ZFHX3: variants seen among roughly 807,000 people sequenced by gnomAD.
The protein encoded by ZFHX3 is zinc finger homeobox protein 3.
Under a neutral mutation model 279.1 loss-of-function variants are expected in ZFHX3, and 42 were observed. That is an observed-to-expected ratio of 0.15 (90% CI 0.12 to 0.19). The LOEUF (loss-of-function observed/expected upper bound fraction) is 0.19. Among genes scored for constraint, ZFHX3 ranks in the 10% least tolerant of loss-of-function variants. The pLI is 1.00. For synonymous variants in ZFHX3, 2,293 were observed against 1,957.8 expected (o/e 1.17, Z -4.52); for missense variants, 4,981 against 4,754.0 (o/e 1.05, Z -1.40).
rs567600620 is a variant in ZFHX3, at chr16:72,990,992, TA to T, written c.-49-30799del. Among the ~76,000 whole-genome samples the T allele has an allele frequency of 5.6e-3, 758 of 134,396 alleles. 3 individuals carry two copies. Among genetic ancestry groups the T allele is most frequent in the Middle Eastern group, 0.022 (6 of 270 alleles). 88.2% of individuals were successfully genotyped at this position (134,396 alleles called of 152,430 possible). A position where few individuals can be genotyped will look rare whatever the true frequency, so the allele number is the denominator to read the frequency against. ...GAGACCCTGTCTCAAAAAATAAAAT[TA>T]AAAAAAAAAAAAGAGAGAGAAATGG... is the stretch of plus-strand genomic sequence containing the variant. On this transcript the variant is annotated intron_variant, in intron 1 of 9. Transcript: ENST00000268489.
At chr16:73,768,805 G>A (rs2053983612) in intron 1 of ZFHX3, among the ~76,000 whole-genome samples, 1 of 152,168 alleles carries the variant, frequency 6.6e-6, no homozygotes, top group Non-Finnish European at 1.5e-5. Flanking sequence ...TAAGTGATGA[G>A]TAGTGGCGAC....
intron 4 of ZFHX3, among the ~76,000 whole-genome samples, chr16:72,864,091 C>T (rs981637869): frequency 1.3e-5 from 2 of 152,032 alleles, no homozygotes; most frequent in African/African-American, 2.4e-5. Context: ...GCAGTCCGGC[C>T]TGGGCGAAAG....
intron 9 of ZFHX3, among the ~76,000 whole-genome samples, chr16:72,792,776 GCT>G (rs773618655): frequency 6.6e-6 from 1 of 152,124 alleles, no homozygotes; most frequent in Non-Finnish European, 1.5e-5. Flanking sequence ...TGCCACCGTA[GCT>G]CTCTCAAGAA....
chr16:73,742,021 A>T (rs918981545), intron 1 of ZFHX3, among the ~76,000 whole-genome samples: 78 of 152,178 alleles, frequency 5.1e-4, no homozygotes, highest in Non-Finnish European at 1.3e-4. Context: ...ATTAAGCAGA[A>T]ATTTCTTCTG....
At chr16:73,770,273 T>A (rs2054002942) in intron 1 of ZFHX3, among the ~76,000 whole-genome samples, 1 of 152,168 alleles carries the variant, frequency 6.6e-6, no homozygotes, top group Admixed American at 6.5e-5. Flanking sequence ...GCTTTGAAAG[T>A]TGAAGGGAAC....
intron 5 of ZFHX3, among the ~76,000 whole-genome samples, chr16:73,240,255 G>C (rs2013080772): frequency 6.6e-6 from 1 of 151,172 alleles, no homozygotes; most frequent in African/African-American, 2.4e-5. Context: ...GTCTTGCTCT[G>C]TCACCCAGGC....
chr16:73,459,530 T>C (rs959074058), intron 2 of ZFHX3, among the ~76,000 whole-genome samples: 1 of 152,098 alleles, frequency 6.6e-6, no homozygotes, highest in Non-Finnish European at 1.5e-5. Context: ...ACCAGCTCAT[T>C]TTTGTAAATT....
intron 1 of ZFHX3, among the ~76,000 whole-genome samples, chr16:73,708,752 A>C (rs1427116544): frequency 6.6e-6 from 1 of 152,200 alleles, no homozygotes; most frequent in Admixed American, 6.5e-5. Flanking sequence ...AATACCCCTA[A>C]ACACAGTGAG....
upstream of ZFHX3, among the ~76,000 whole-genome samples, chr16:73,049,379 C>G (rs1191235608): frequency 6.6e-6 from 1 of 152,134 alleles, no homozygotes; most frequent in Non-Finnish European, 1.5e-5. Flanking sequence ...GCTCATGAGG[C>G]GAAGAGCAGT....
intron 3 of ZFHX3, among the ~76,000 whole-genome samples, chr16:72,941,011 T>A (rs1334116025): frequency 6.6e-6 from 1 of 152,214 alleles, no homozygotes; most frequent in African/African-American, 2.4e-5. Context: ...GCTGTGAATT[T>A]TCATGGTCTA....
rs200149059 is a variant in ZFHX3, at chr16:73,877,067, AG to A, written c.-1608+14583del. 1.7e-3 allele frequency among the ~76,000 whole-genome samples: 259 copies of A among 151,960 alleles called. 2 individuals carry two copies. The highest frequency in any genetic ancestry group is 0.01 in the East Asian group (52 of 5,168). On this transcript the variant is annotated intron_variant, in intron 1 of 17. Transcript: ENST00000641206. ...AAAAAAAAACAACAACAACAAGGTA[AG>A]GGAGAGAGATCAGCAGGGTGAATGT...
intron 3 of ZFHX3, among the ~76,000 whole-genome samples, chr16:72,905,904 G>A (rs931090400): frequency 2.0e-4 from 30 of 152,290 alleles, no homozygotes; most frequent in African/African-American, 5.5e-4. Flanking sequence ...ACTGTTGCCA[G>A]GGACTGCTGC....
chr16:72,799,886 CTGA>C lies in ZFHX3; in HGVS notation c.3967+138_3967+140del. ...TGCCAAGAAGCAGAGTATAAAGTAG[CTGA>C]TGACAGTGCCCCTCATCTCCTGATC... On this transcript the variant is annotated intron_variant, in intron 8 of 9. Coordinates refer to ENST00000268489, the MANE Select transcript of ZFHX3 (RefSeq NM_006885.4). The C allele has an allele frequency of 1.1e-5, 8 of 710,364 alleles. 2 individuals carry two copies. The South Asian group carries it at 1.4e-4, about 12-fold the overall frequency. The allele number at this position is 710,364 out of a possible 1,614,324, so 44.0% of individuals were successfully genotyped here.
intron 3 of ZFHX3, among the ~76,000 whole-genome samples, chr16:73,370,707 A>T (rs1862767): frequency 6.6e-6 from 1 of 152,056 alleles, no homozygotes; most frequent in South Asian, 2.1e-4. Context: ...TGCCATGCAC[A>T]GCTCAGCATC....
intron 2 of ZFHX3, among the ~76,000 whole-genome samples, chr16:73,541,784 CTCTT>C (rs2020017364): frequency 9.2e-6 from 1 of 108,874 alleles, no homozygotes; most frequent in African/African-American, 3.8e-5. Flanking sequence ...TTTGGTGGTT[CTCTT>C]TTTTTTTTTT....
chr16:72,920,192 T>A (rs1482123601), intron 3 of ZFHX3, among the ~76,000 whole-genome samples: 1 of 151,914 alleles, frequency 6.6e-6, no homozygotes, highest in East Asian at 1.9e-4. Context: ...TAAAAAAAAA[T>A]AACCAAAATA....
chr16:72,992,721 T>C (rs1332403244), intron 1 of ZFHX3, among the ~76,000 whole-genome samples: 3 of 152,156 alleles, frequency 2.0e-5, no homozygotes, highest in Non-Finnish European at 4.4e-5. Flanking sequence ...AAGAAAGAAA[T>C]GTATGGCTTG....
At chr16:73,708,030 C>T (rs1417414651) in intron 1 of ZFHX3, among the ~76,000 whole-genome samples, 10 of 150,958 alleles carry the variant, frequency 6.6e-5, no homozygotes, top group African/African-American at 9.7e-5. Flanking sequence ...AGATGTTAAT[C>T]CCTGTGGTTT....
intron 5 of ZFHX3, among the ~76,000 whole-genome samples, chr16:73,193,838 A>T (rs1968091360): frequency 1.3e-5 from 2 of 152,200 alleles, no homozygotes; most frequent in East Asian, 3.9e-4. Context: ...AGGAATTCCC[A>T]TCTGATAAGG....
Sources: allele counts gnomAD v4.1 joint callset (sites outside exome capture counted in the v4.1 genomes callset), GRCh38; gene constraint gnomAD v4.1.1; transcripts MANE v1.5; gene names NCBI Gene and HGNC (gene_info 2026-07-23, HGNC 2026-07-21).